PBX1: variants seen among roughly 807,000 people sequenced by gnomAD.
The protein encoded by PBX1 is pre-B-cell leukemia transcription factor 1.
In PBX1, 6 loss-of-function variants were observed where a neutral mutation model predicts 53.4. The ratio of observed to expected loss-of-function variants is 0.11; its 90% CI spans 0.06 to 0.22. The LOEUF (loss-of-function observed/expected upper bound fraction) is 0.22, where lower values mean the gene tolerates loss of function less well. PBX1 is among the 10% of genes least tolerant of loss of function. The pLI is 1.00. For missense variants in PBX1, 251 were observed against 551.4 expected (o/e 0.46, Z 5.46); for synonymous variants, 204 against 212.3 (o/e 0.96, Z 0.34).
intron 6 of PBX1, chr1:164,815,913 G>A (rs943008475): frequency 2.0e-5 from 3 of 152,088 alleles, no homozygotes; most frequent in Non-Finnish European, 4.4e-5. Flanking sequence ...ATTGATGAAA[G>A]GTTATTATAT....
chr1:164,586,979 C>A (rs113374286), intron 2 of PBX1, among the ~76,000 whole-genome samples: 7 of 152,168 alleles, frequency 4.6e-5, no homozygotes, highest in African/African-American at 1.7e-4. Context: ...GTCGACCTCA[C>A]ACCCAATTTC....
chr1:164,655,280 A>G (rs1255314303), intron 2 of PBX1, among the ~76,000 whole-genome samples: 1 of 151,814 alleles, frequency 6.6e-6, no homozygotes, highest in Non-Finnish European at 1.5e-5. Flanking sequence ...CGCCTGTCTA[A>G]TGTTGTACTT....
At chr1:164,620,945 A>G (rs1657631503) in intron 2 of PBX1, among the ~76,000 whole-genome samples, 1 of 151,910 alleles carries the variant, frequency 6.6e-6, no homozygotes, top group Non-Finnish European at 1.5e-5. Context: ...AGCCTCCCAA[A>G]GTGCTGGGGT....
At chr1:164,689,537 G>T (rs1026754844) in intron 2 of PBX1, among the ~76,000 whole-genome samples, 1 of 152,158 alleles carries the variant, frequency 6.6e-6, no homozygotes, top group African/African-American at 2.4e-5. Context: ...GATGTGAAAA[G>T]AAATTTTTTT....
chr1:164,811,002 C>T (rs1380003234), intron 5 of PBX1, among the ~76,000 whole-genome samples: 2 of 152,080 alleles, frequency 1.3e-5, no homozygotes, highest in Admixed American at 6.6e-5. Context: ...TCTTTATCTG[C>T]CGTCGTTGGG....
In PBX1 at chr1:164,578,239, G is replaced by T. The variant is rs1427308094; in HGVS notation, c.265+14928G>T. Among the ~76,000 whole-genome samples the T allele has an allele frequency of 7.9e-5, 12 of 152,324 alleles. 1 individual carries two copies. In the South Asian group the frequency reaches 2.5e-3, roughly 32 times the overall value. ...ACCTCCTGCATGTTGCCCTTTGTAA[G>T]TAGAGGTTATGGAAGCTCAATTATT... On this transcript the variant is annotated intron_variant, in intron 2 of 8. Transcript: ENST00000420696.
intron 2 of PBX1, among the ~76,000 whole-genome samples, chr1:164,675,302 T>C (rs976926422): frequency 1.3e-5 from 2 of 152,194 alleles, no homozygotes; most frequent in Non-Finnish European, 2.9e-5. Flanking sequence ...TGGAAGAGAA[T>C]AGGACATGTC....
intron 8 of PBX1, among the ~76,000 whole-genome samples, chr1:164,826,508 G>A (rs918652570): frequency 8.6e-5 from 13 of 151,980 alleles, no homozygotes; most frequent in Non-Finnish European, 1.0e-4. Context: ...GGGTTCAAGC[G>A]ATTCTTGTGC....
chr1:164,773,725 A>G (rs1444156315), intron 2 of PBX1, among the ~76,000 whole-genome samples: 1 of 152,142 alleles, frequency 6.6e-6, no homozygotes, highest in East Asian at 1.9e-4. Flanking sequence ...GATCATCTCT[A>G]GAGGGGATTC....
chr1:164,588,473 C>CTTTTTTTTTTTTTTTT (rs371768861), intron 2 of PBX1, among the ~76,000 whole-genome samples: 2 of 73,084 alleles, frequency 2.7e-5, no homozygotes, highest in East Asian at 1.1e-3. Context: ...CCGGACTAAG[C>CTTTTTTTTTTTTTTTT]TTTTTTTTTT....
intron 2 of PBX1, among the ~76,000 whole-genome samples, chr1:164,677,259 AT>A (rs1404014043): frequency 6.7e-6 from 1 of 149,026 alleles, no homozygotes; most frequent in Non-Finnish European, 1.5e-5. Context: ...CGCCCGGCTA[AT>A]TTTTTGTATT....
intron 2 of PBX1, among the ~76,000 whole-genome samples, chr1:164,882,551 T>C (rs1403562200): frequency 6.6e-6 from 1 of 152,226 alleles, no homozygotes; most frequent in African/African-American, 2.4e-5. Flanking sequence ...TACCAAGGGC[T>C]AGAGTACTTT....
intron 5 of PBX1, among the ~76,000 whole-genome samples, chr1:164,811,642 C>T (rs958682977): frequency 1.3e-5 from 2 of 152,124 alleles, no homozygotes; most frequent in Non-Finnish European, 2.9e-5. Flanking sequence ...GGGCATTTCT[C>T]CTGAAATGTT....
intron 2 of PBX1, among the ~76,000 whole-genome samples, chr1:164,877,956 T>C (rs1672555972): frequency 6.6e-6 from 1 of 152,224 alleles, no homozygotes; most frequent in Non-Finnish European, 1.5e-5. Flanking sequence ...TTGCATTTTC[T>C]TGAGTTTTAT....
intron 1 of PBX1, among the ~76,000 whole-genome samples, chr1:164,561,090 T>A (rs976287719): frequency 4.6e-5 from 7 of 152,230 alleles, no homozygotes; most frequent in Non-Finnish European, 1.0e-4. Flanking sequence ...GGAAGAATTT[T>A]AAAAATCTAA....
intron 2 of PBX1, among the ~76,000 whole-genome samples, chr1:164,779,276 C>T (rs987660655): frequency 1.6e-4 from 24 of 152,228 alleles, no homozygotes; most frequent in Non-Finnish European, 2.6e-4. Flanking sequence ...TGATTCTGCA[C>T]ACTTGTCTTA....
chr1:164,847,331 G>T lies in PBX1; in HGVS notation c.*655G>T. The T allele has an allele frequency of 9.4e-7, 1 of 1,064,918 alleles. No individual in the cohort carries two copies. Among genetic ancestry groups the T allele is most frequent in the Non-Finnish European group, 1.1e-6 (1 of 879,074 alleles). 66.0% of individuals were successfully genotyped at this position (1,064,918 alleles called of 1,614,324 possible). A position where few individuals can be genotyped will look rare whatever the true frequency, so the allele number is the denominator to read the frequency against. ...CTGTCATAGCTGGGATTCTAAAGGT[G>T]CCACATTTTTCAGTTTCATCTCCAC... On this transcript the variant is annotated 3_prime_UTR_variant, in exon 9 of 9. Transcript: ENST00000420696.
intron 7 of PBX1, among the ~76,000 whole-genome samples, 175 bp downstream of exon 7, chr1:164,820,359 A>C (rs1332474082): frequency 6.6e-6 from 1 of 152,148 alleles, no homozygotes; most frequent in Non-Finnish European, 1.5e-5. Flanking sequence ...TCTCGTCCAC[A>C]CTTTGTGAAT....
chr1:164,725,867 G>C (rs1299112382), intron 2 of PBX1, among the ~76,000 whole-genome samples: 2 of 152,156 alleles, frequency 1.3e-5, no homozygotes, highest in Non-Finnish European at 2.9e-5. Flanking sequence ...AAGACAACTA[G>C]AGTGGTTGGC....
Sources: gnomAD v4.1 joint callset for allele counts (sites outside exome capture counted in the v4.1 genomes callset) on GRCh38, gnomAD v4.1.1 for gene constraint, MANE v1.5 for transcripts, NCBI Gene and HGNC (gene_info 2026-07-23, HGNC 2026-07-21) for gene names.